Variants in ARHGAP42 observed in about 807,000 individuals in gnomAD.
ARHGAP42 encodes the protein Rho GTPase activating protein 42.
Under a neutral mutation model 125.0 loss-of-function variants are expected in ARHGAP42, and 63 were observed. That is an observed-to-expected ratio of 0.50 (90% CI 0.41 to 0.62). ARHGAP42 has a LOEUF of 0.62. Among genes scored for constraint, ARHGAP42 ranks in the 20% least tolerant of loss-of-function variants. ARHGAP42 has a pLI of 0.00. For missense variants in ARHGAP42, 766 were observed against 1,024.2 expected, an observed-to-expected ratio of 0.75 and a Z score of 3.44; for synonymous variants, 339 against 351.0, an observed-to-expected ratio of 0.97 and a Z score of 0.38.
chr11:100,894,638 G>T (rs912883507), intron 4 of ARHGAP42, among the ~76,000 whole-genome samples: 2 of 152,114 alleles, frequency 1.3e-5, no homozygotes, highest in African/African-American at 4.8e-5. Context: ...CCATAATGCT[G>T]GTTATCATGT....
At chr11:100,935,224 A>G (rs1374416281) in intron 7 of ARHGAP42, among the ~76,000 whole-genome samples, 1 of 152,146 alleles carries the variant, frequency 6.6e-6, no homozygotes, top group Non-Finnish European at 1.5e-5. Context: ...GAGGTAATGC[A>G]AAAGAGGTAT....
Position 100,976,427 on chromosome 11 carries a change from T to C in ARHGAP42, c.2226T>C (p.Ser742=), listed in dbSNP as rs1035223209. Residue 742 remains serine (S), a synonymous_variant, in exon 20 of 24, where the codon TCT becomes TCC. Transcript: ENST00000298815. ...RASASSLRSI[S]AAEGNKSYSG... is the part of the protein sequence containing the mutation. ...CTGCTTCTTCTCTCAGATCCATCTCTGCAGCTGAAGGTAAGGCAGAGTGGA... is the reference window on the plus strand; with the variant it reads ...CTGCTTCTTCTCTCAGATCCATCTCCGCAGCTGAAGGTAAGGCAGAGTGGA... The C allele has an allele frequency of 6.5e-7, 1 of 1,528,772 alleles. No individual in the cohort carries two copies. Among genetic ancestry groups the C allele is most frequent in the African/African-American group, 1.4e-5 (1 of 72,318 alleles). The allele number at this position is 1,528,772 out of a possible 1,614,324, so 94.7% of individuals were successfully genotyped here. A position where few individuals can be genotyped will look rare whatever the true frequency, so the allele number is the denominator to read the frequency against.
chr11:100,691,584 C>T (rs189118747), intron 1 of ARHGAP42, among the ~76,000 whole-genome samples: 2 of 152,252 alleles, frequency 1.3e-5, no homozygotes, highest in East Asian at 1.9e-4. Flanking sequence ...GATACAGACA[C>T]GGCTCACTGC....
chr11:100,947,886 A>T (rs1868067021), intron 10 of ARHGAP42, among the ~76,000 whole-genome samples: 1 of 151,868 alleles, frequency 6.6e-6, no homozygotes, highest in Non-Finnish European at 1.5e-5. Flanking sequence ...TCTTTCTTGA[A>T]GTATATCCTC....
At chr11:100,729,492 T>C (rs1408545076) in intron 1 of ARHGAP42, among the ~76,000 whole-genome samples, 1 of 152,142 alleles carries the variant, frequency 6.6e-6, no homozygotes, top group East Asian at 1.9e-4. Flanking sequence ...GTAGTTAGAC[T>C]TGAGATTAGA....
At chr11:100,920,795 T>G (rs1867218029) in intron 5 of ARHGAP42, among the ~76,000 whole-genome samples, 2 of 152,152 alleles carry the variant, frequency 1.3e-5, no homozygotes, top group Non-Finnish European at 2.9e-5. Flanking sequence ...ATTCATCAGT[T>G]TAGAGCCATT....
At chr11:100,909,284 C>T (rs144350581) in intron 4 of ARHGAP42, among the ~76,000 whole-genome samples, 73 of 150,580 alleles carry the variant, frequency 4.8e-4, no homozygotes, top group Middle Eastern at 3.5e-3. Context: ...AGGTTTTAGT[C>T]GTACATTCTT....
intron 9 of ARHGAP42, among the ~76,000 whole-genome samples, chr11:100,942,585 A>C (rs924924724): frequency 6.6e-6 from 1 of 152,146 alleles, no homozygotes; most frequent in Non-Finnish European, 1.5e-5. Flanking sequence ...GTTACACTAG[A>C]GATAATTAGT....
At chr11:100,850,886 T>G (rs1253347372) in intron 3 of ARHGAP42, among the ~76,000 whole-genome samples, 1 of 92,204 alleles carries the variant, frequency 1.1e-5, no homozygotes, top group African/African-American at 3.0e-5. Context: ...TTTTTTTTTT[T>G]TTTTTTTTTT....
intron 7 of ARHGAP42, among the ~76,000 whole-genome samples, chr11:100,935,075 C>A (rs554409329): frequency 3.3e-5 from 5 of 151,500 alleles, no homozygotes; most frequent in Admixed American, 1.3e-4. Context: ...AAAAATTAGA[C>A]CCTTATGTTT....
At chr11:100,715,763 G>A (rs1269059965) in intron 1 of ARHGAP42, among the ~76,000 whole-genome samples, 1 of 152,190 alleles carries the variant, frequency 6.6e-6, no homozygotes, top group Non-Finnish European at 1.5e-5. Flanking sequence ...TCCCCTCTCA[G>A]GGATTGATAC....
At chr11:100,730,404 G>T (rs796395331) in intron 1 of ARHGAP42, among the ~76,000 whole-genome samples, 1 of 152,238 alleles carries the variant, frequency 6.6e-6, no homozygotes, top group African/African-American at 2.4e-5. Flanking sequence ...TGCTCTGGGT[G>T]TGTGGGTGAA....
At chr11:100,795,005 A>G (rs1863674328) in intron 2 of ARHGAP42, 100 bp from the exon 3 acceptor site, 3 of 875,078 alleles carry the variant, frequency 3.4e-6, no homozygotes, top group Admixed American at 2.8e-5. Context: ...TATACTATAT[A>G]CAAATTAATA....
Position 100,990,303 on chromosome 11 carries a change from C to G in ARHGAP42, c.*1502C>G, listed in dbSNP as rs1456958625. 2.6e-5 allele frequency: 4 copies of G among 152,088 alleles called. No individual in the cohort carries two copies. The highest frequency in any genetic ancestry group is 5.9e-5 in the Non-Finnish European group (4 of 68,012). 9.4% of individuals were successfully genotyped at this position (152,088 alleles called of 1,614,324 possible). A position where few individuals can be genotyped will look rare whatever the true frequency, so the allele number is the denominator to read the frequency against. On this transcript the variant is annotated 3_prime_UTR_variant, in exon 24 of 24. Coordinates refer to ENST00000298815, the MANE Select transcript of ARHGAP42 (RefSeq NM_152432.4). ...TCTCAGGTATTAACTGTAAAAAACTCTTTACATGCCATTATTATCTGTAAT... is the reference window on the plus strand; with the variant it reads ...TCTCAGGTATTAACTGTAAAAAACTGTTTACATGCCATTATTATCTGTAAT...
At chr11:100,755,263 G>C (rs1485932911) in intron 1 of ARHGAP42, among the ~76,000 whole-genome samples, 1 of 152,154 alleles carries the variant, frequency 6.6e-6, no homozygotes, top group Non-Finnish European at 1.5e-5. Flanking sequence ...CGTAGCAACT[G>C]GTTCCCAAAC....
At position 100,965,787 on chromosome 11, in the gene ARHGAP42, A is replaced by G. The variant is rs1208694762; in HGVS notation, c.1550+11A>G. 4 of 1,537,926 alleles carry G rather than the reference A, an allele frequency of 2.6e-6. No individual in the cohort carries two copies. In the African/African-American group the frequency reaches 5.5e-5, roughly 21 times the overall value. On this transcript the variant is annotated intron_variant, in intron 17 of 23. Transcript: ENST00000298815. The stretch of plus-strand genomic sequence containing the variant: ...AAAGCATCTGGTCAAGTAATTCTCT[A>G]ACTTACATTGTTCATTTAACTTATT...
chr11:100,841,593 C>G (rs55753301), intron 3 of ARHGAP42, among the ~76,000 whole-genome samples: 8,854 of 152,176 alleles, frequency 0.058, 869 homozygotes, highest in African/African-American at 0.2. Context: ...TACCATGGTT[C>G]TCAAGACCTT....
At chr11:100,882,357 AT>A (rs1342110123) in intron 4 of ARHGAP42, among the ~76,000 whole-genome samples, 1 of 152,008 alleles carries the variant, frequency 6.6e-6, no homozygotes, top group Non-Finnish European at 1.5e-5. Flanking sequence ...TAATCATGTA[AT>A]TTTTGTTTTT....
At chr11:100,883,364 G>A (rs1251213896) in intron 4 of ARHGAP42, among the ~76,000 whole-genome samples, 1 of 152,144 alleles carries the variant, frequency 6.6e-6, no homozygotes, top group Non-Finnish European at 1.5e-5. Context: ...TTTTGAGACA[G>A]AGTCTTGCTC....
Sources: allele counts gnomAD v4.1 joint callset (sites outside exome capture counted in the v4.1 genomes callset), GRCh38; gene constraint gnomAD v4.1.1; transcripts MANE v1.5; gene names NCBI Gene and HGNC (gene_info 2026-07-23, HGNC 2026-07-21).